The following ZC3H8 variants were observed in gnomAD, a reference collection of about 807,000 sequenced individuals.
ZC3H8 encodes zinc finger CCCH-type containing 8.
ZC3H8 carries 27 observed loss-of-function variants against 42.5 expected under a neutral mutation model. That is an observed-to-expected ratio of 0.64 (90% CI 0.47 to 0.88). The LOEUF is 0.88. Among genes scored for constraint, ZC3H8 ranks in the 40% least tolerant of loss-of-function variants. The pLI is 0.00. For missense variants in ZC3H8, 277 were observed against 336.1 expected (o/e 0.82, Z 1.37); for synonymous variants, 101 against 110.1 (o/e 0.92, Z 0.52).
intron 8 of ZC3H8, among the ~76,000 whole-genome samples, chr2:112,226,262 G>T (rs1218349711): frequency 6.6e-6 from 1 of 151,060 alleles, no homozygotes; most frequent in Non-Finnish European, 1.5e-5. Context: ...CTTATAACAA[G>T]GACAGAAATT....
In ZC3H8 at chr2:112,235,161, G is replaced by A. The variant is rs982968875; in HGVS notation, c.505-925C>T. 2.6e-5 allele frequency among the ~76,000 whole-genome samples: 4 copies of A among 152,130 alleles called. No individual in the cohort carries two copies. In the East Asian group the frequency reaches 5.8e-4, roughly 22 times the overall value. ...TACAGCTTCTGTATACCAAATTTTTGCATACAGTTTTAGGAATACAGTATG... is the reference window on the plus strand; with the variant it reads ...TACAGCTTCTGTATACCAAATTTTTACATACAGTTTTAGGAATACAGTATG... On this transcript the variant is annotated intron_variant, in intron 4 of 8. Coordinates refer to ENST00000409573, the MANE Select transcript of ZC3H8 (RefSeq NM_032494.3).
At chr2:112,231,673 T>G (rs778072351) in intron 7 of ZC3H8, among the ~76,000 whole-genome samples, 165 bp downstream of exon 7, 1 of 152,210 alleles carries the variant, frequency 6.6e-6, no homozygotes, top group African/African-American at 2.4e-5. Context: ...AGGAAACATA[T>G]ACAAATGAAA....
In ZC3H8 at chr2:112,250,244, C is replaced by T; in HGVS notation, c.103G>A (p.Glu35Lys). 1 of 1,561,634 alleles carries T rather than the reference C, an allele frequency of 6.4e-7. No individual in the cohort carries two copies. Among genetic ancestry groups the T allele is most frequent in the East Asian group, 2.3e-5 (1 of 43,216 alleles). ...TTAATTTTCTCTTCTTGTGTTTCTT[C>T]AACTTCTGTATCTATTTCATCATCG... is the stretch of plus-strand genomic sequence containing the variant. Reference protein sequence around the residue: ...RIDDEIDTEVEETQEEKIKLE... With the variant: ...RIDDEIDTEVKETQEEKIKLE... The change falls in exon 2 of 9, where the codon GAA becomes AAA. Residue 35 changes from glutamate to lysine, a missense_variant. Transcript: ENST00000409573.
intron 2 of ZC3H8, among the ~76,000 whole-genome samples, chr2:112,248,178 T>C (rs1405345640): frequency 6.6e-6 from 1 of 151,776 alleles, no homozygotes; most frequent in Non-Finnish European, 1.5e-5. Flanking sequence ...ATACAACAAT[T>C]AGCCAGGTGT....
intron 2 of ZC3H8, among the ~76,000 whole-genome samples, chr2:112,247,496 T>C (rs1464347046): frequency 6.6e-6 from 1 of 152,222 alleles, no homozygotes; most frequent in Non-Finnish European, 1.5e-5. Flanking sequence ...GGAGAATTGC[T>C]TGAACCTGGG....
chr2:112,238,049 A>G (rs1685419532), intron 3 of ZC3H8, among the ~76,000 whole-genome samples: 1 of 152,214 alleles, frequency 6.6e-6, no homozygotes, highest in South Asian at 2.1e-4. Context: ...CCAGGGCTTT[A>G]GCATTCTCCC....
chr2:112,245,250 T>C (rs1257054252), intron 2 of ZC3H8, among the ~76,000 whole-genome samples: 1 of 152,232 alleles, frequency 6.6e-6, no homozygotes, highest in Non-Finnish European at 1.5e-5. Context: ...CCTAACTCTC[T>C]TCAATTCTAT....
intron 2 of ZC3H8, among the ~76,000 whole-genome samples, chr2:112,241,596 G>C (rs1393105679): frequency 6.6e-6 from 1 of 152,174 alleles, no homozygotes; most frequent in Non-Finnish European, 1.5e-5. Context: ...GTTCAAATAT[G>C]TTATTCCGTT....
At chr2:112,220,749 A>G (rs1222762465) in intron 8 of ZC3H8, among the ~76,000 whole-genome samples, 1 of 152,208 alleles carries the variant, frequency 6.6e-6, no homozygotes, top group Non-Finnish European at 1.5e-5. Flanking sequence ...TGAATCTGGG[A>G]GTCAGAGGTT....
chr2:112,252,206 T>C (rs1685973154), intron 1 of ZC3H8, among the ~76,000 whole-genome samples: 1 of 152,204 alleles, frequency 6.6e-6, no homozygotes, highest in Non-Finnish European at 1.5e-5. Context: ...GAACATCTAC[T>C]AGACATATGT....
chr2:112,231,074 T>A (rs1377461005), intron 7 of ZC3H8, 124 bp from the exon 8 acceptor site: 1 of 594,274 alleles, frequency 1.7e-6, no homozygotes, highest in Non-Finnish European at 2.4e-6. Context: ...CTAATATTAT[T>A]TACTACTACT....
At position 112,247,825 on chromosome 2, in the gene ZC3H8, TA is replaced by T. The variant is rs565962031; in HGVS notation, c.156+2365del. On this transcript the variant is annotated intron_variant, in intron 2 of 8. Coordinates refer to ENST00000409573, the MANE Select transcript of ZC3H8 (RefSeq NM_032494.3). ...AGTCTGGAGGAGCTAAAAGTGGGCATAAAAGACTGAGGCCTATGTGACTCAA... is the reference window on the plus strand; with the variant it reads ...AGTCTGGAGGAGCTAAAAGTGGGCATAAAGACTGAGGCCTATGTGACTCAA... 9.6e-4 allele frequency among the ~76,000 whole-genome samples: 146 copies of T among 152,292 alleles called. 1 individual carries two copies. In the South Asian group the frequency reaches 0.011, roughly 11 times the overall value.
At position 112,233,236 on chromosome 2, in the gene ZC3H8, ACCATATCTTGTG is replaced by A; in HGVS notation, c.733+12_733+23del. ...TGTTCATGTAAATATTTATAAAGTC[ACCATATCTTGTG>A]ATAAAGGATATTATGCAAATACAGA... On this transcript the variant is annotated intron_variant, in intron 6 of 8. Coordinates refer to ENST00000409573, the MANE Select transcript of ZC3H8 (RefSeq NM_032494.3). The A allele has an allele frequency of 1.5e-6, 2 of 1,304,954 alleles. No individual in the cohort carries two copies. Among genetic ancestry groups the A allele is most frequent in the Non-Finnish European group, 2.1e-6 (2 of 941,838 alleles). The allele number at this position is 1,304,954 out of a possible 1,614,324, so 80.8% of individuals were successfully genotyped here.
intron 1 of ZC3H8, among the ~76,000 whole-genome samples, chr2:112,250,861 G>A (rs1314907347): frequency 3.3e-5 from 5 of 152,252 alleles, no homozygotes; most frequent in Non-Finnish European, 2.9e-5. Context: ...GATTAGGAGC[G>A]AGACAAACAC....
chr2:112,254,834 C>T, intron 1 of ZC3H8, 74 bp downstream of exon 1: 1 of 1,529,472 alleles, frequency 6.5e-7, no homozygotes, highest in South Asian at 1.2e-5. Flanking sequence ...CGGACTGCCT[C>T]CAATCCAGAA....
In ZC3H8 at chr2:112,216,188, G is replaced by GTTTCTACAATTTACTAT. The variant is rs1277507499; in HGVS notation, c.*279_*295dup. On this transcript the variant is annotated 3_prime_UTR_variant, in exon 9 of 9. Coordinates refer to ENST00000409573, the MANE Select transcript of ZC3H8 (RefSeq NM_032494.3). ...AAGGAAATCCAATCAATCAGAAGAG[G>GTTTCTACAATTTACTAT]TTTCTACAATTTACTATCACATTTA... 1 of 152,114 alleles carries GTTTCTACAATTTACTAT rather than the reference G, an allele frequency of 6.6e-6. No homozygotes were observed. The allele number at this position is 152,114 out of a possible 1,614,324, so 9.4% of individuals were successfully genotyped here. A position where few individuals can be genotyped will look rare whatever the true frequency, so the allele number is the denominator to read the frequency against.
At chr2:112,254,787 C>T in intron 1 of ZC3H8, 121 bp downstream of exon 1, 2 of 1,205,438 alleles carry the variant, frequency 1.7e-6, no homozygotes, top group Non-Finnish European at 2.3e-6. Flanking sequence ...CCCACGTGCT[C>T]CCCACGGGCC....
intron 2 of ZC3H8, among the ~76,000 whole-genome samples, chr2:112,242,382 A>G (rs1219892295): frequency 2.6e-5 from 4 of 152,354 alleles, no homozygotes; most frequent in South Asian, 4.1e-4. Flanking sequence ...ATTCATTTAT[A>G]TATTATATGG....
At chr2:112,222,436 A>T (rs1362651969) in intron 8 of ZC3H8, among the ~76,000 whole-genome samples, 1 of 152,174 alleles carries the variant, frequency 6.6e-6, no homozygotes, top group East Asian at 1.9e-4. Flanking sequence ...TTTCCAGGGC[A>T]AAAGGAGGCT....
Sources: gnomAD v4.1 joint callset for allele counts (sites outside exome capture counted in the v4.1 genomes callset) on GRCh38, gnomAD v4.1.1 for gene constraint, MANE v1.5 for transcripts, NCBI Gene and HGNC (gene_info 2026-07-23, HGNC 2026-07-21) for gene names.